The following PEMT variants were observed in gnomAD, a reference collection of about 807,000 sequenced individuals.
PEMT encodes the protein phosphatidylethanolamine N-methyltransferase.
In PEMT, 23 loss-of-function variants were observed where a neutral mutation model predicts 27.4. The ratio of observed to expected loss-of-function variants is 0.84; its 90% CI spans 0.60 to 1.19. The LOEUF (loss-of-function observed/expected upper bound fraction) is 1.19. PEMT is among the 50% of genes most tolerant of loss of function. PEMT has a pLI of 0.00. For missense variants in PEMT, 307 were observed against 310.1 expected, an observed-to-expected ratio of 0.99 and a Z score of 0.07; for synonymous variants, 137 against 139.1, an observed-to-expected ratio of 0.98 and a Z score of 0.11.
At chr17:17,506,964 G>A in intron 5 of PEMT, 2 of 589,042 alleles carry the variant, frequency 3.4e-6, no homozygotes, top group Admixed American at 2.9e-5. Flanking sequence ...CAGAGGACGG[G>A]AGGCCCCAGG....
Position 17,512,394 on chromosome 17 carries a change from G to C in PEMT, c.466+115C>G. 9.6e-7 allele frequency: 1 copy of C among 1,042,034 alleles called. No individual in the cohort carries two copies. The highest frequency in any genetic ancestry group is 1.3e-6 in the Non-Finnish European group (1 of 767,908). 64.5% of individuals were successfully genotyped at this position (1,042,034 alleles called of 1,614,324 possible). ...GGAGCAAAGACGCCCCGATGGAGGG[G>C]GCCCCTAGCACTCCCACCGATGTCA... On this transcript the variant is annotated intron_variant, in intron 4 of 6. Coordinates refer to ENST00000255389, the MANE Select transcript of PEMT (RefSeq NM_148172.3). This position sits in a 1 kb window ranked among gnomAD's most constrained non-coding sequence, Gnocchi z 6.3.
Position 17,561,058 on chromosome 17 carries a change from C to A in PEMT, c.204+15862G>T, listed in dbSNP as rs1346720336. Reference sequence around the variant, plus strand: ...CCCCTCTCTCCTCCCTTCCTCCAGACCCCACACTCAAATCCTATTTGCCTC... The same window carrying A: ...CCCCTCTCTCCTCCCTTCCTCCAGAACCCACACTCAAATCCTATTTGCCTC... On this transcript the variant is annotated intron_variant, in intron 2 of 6. Transcript: ENST00000255389. This position sits in a 1 kb window ranked among gnomAD's most constrained non-coding sequence, Gnocchi z 4.5. Among the ~76,000 whole-genome samples, 10 of 152,074 alleles carry A rather than the reference C, an allele frequency of 6.6e-5. No homozygotes were observed. The highest frequency in any genetic ancestry group is 2.4e-4 in the African/African-American group (10 of 41,402).
At position 17,558,998 on chromosome 17, in the gene PEMT, CT is replaced by C. The variant is rs529716322; in HGVS notation, c.204+17921del. Among the ~76,000 whole-genome samples the C allele has an allele frequency of 4.9e-3, 752 of 152,348 alleles. 5 individuals carry two copies. The highest frequency in any genetic ancestry group is 8.0e-3 in the Non-Finnish European group (546 of 68,038). On this transcript the variant is annotated intron_variant, in intron 2 of 6. Transcript: ENST00000255389. Reference sequence around the variant, plus strand: ...GCATCCCATCCCAACCCTGCTCTCTCTGCATCCCTGCCATGGTTGCAGAAAC... The same window carrying C: ...GCATCCCATCCCAACCCTGCTCTCTCGCATCCCTGCCATGGTTGCAGAAAC...
intron 2 of PEMT, among the ~76,000 whole-genome samples, chr17:17,566,436 C>T (rs1408517196): frequency 6.6e-6 from 1 of 152,204 alleles, no homozygotes; most frequent in African/African-American, 2.4e-5. Context: ...TCCACAGGTG[C>T]CTCAGACCCC....
chr17:17,542,046 T>G (rs1028863650), intron 2 of PEMT, among the ~76,000 whole-genome samples: 1 of 152,192 alleles, frequency 6.6e-6, no homozygotes, highest in Non-Finnish European at 1.5e-5. Context: ...AGCAGCATGA[T>G]CTCTGCTCAC....
chr17:17,526,230 T>C (rs1907652022), intron 2 of PEMT, among the ~76,000 whole-genome samples: 2 of 151,780 alleles, frequency 1.3e-5, no homozygotes, highest in African/African-American at 4.8e-5. Context: ...TTTTTGCAAA[T>C]CTCACCCACA....
intron 1 of PEMT, among the ~76,000 whole-genome samples, chr17:17,581,279 T>C (rs1308646176): frequency 6.6e-6 from 1 of 152,094 alleles, no homozygotes; most frequent in African/African-American, 2.4e-5. Context: ...CTCTAGGGGA[T>C]CTAAGAAAAC....
intron 2 of PEMT, among the ~76,000 whole-genome samples, chr17:17,572,434 C>T (rs572322151): frequency 8.5e-5 from 13 of 152,348 alleles, no homozygotes; most frequent in South Asian, 6.2e-4. Context: ...CTGGCTCCAG[C>T]GGCAGCTGTC....
intron 2 of PEMT, chr17:17,570,890 C>G (rs4646349): frequency 0.58 from 568,492 of 984,382 alleles, 165,494 homozygotes; most frequent in African/African-American, 0.59. Context: ...GGGAGTCCAT[C>G]CTGGTCCTTG....
chr17:17,551,314 C>T (rs4646384), intron 2 of PEMT, among the ~76,000 whole-genome samples: 3,550 of 152,282 alleles, frequency 0.023, 122 homozygotes, highest in East Asian at 0.1. Context: ...ATTTTCATCA[C>T]GCATCAGTGT....
At chr17:17,541,527 C>T (rs1045345844) in intron 2 of PEMT, among the ~76,000 whole-genome samples, 1 of 152,212 alleles carries the variant, frequency 6.6e-6, no homozygotes, top group Non-Finnish European at 1.5e-5. Context: ...GGGCCTCATC[C>T]CAAGGCGCCA....
rs147583489 is a variant in PEMT, at chr17:17,570,921, G to C, written c.204+5999C>G. Reference sequence around the variant, plus strand: ...CCTTGGACCACTGCCCTGGCATCTGGAGTGATAGGGAAAGAACAGAACATT... The same window carrying C: ...CCTTGGACCACTGCCCTGGCATCTGCAGTGATAGGGAAAGAACAGAACATT... On this transcript the variant is annotated intron_variant, in intron 2 of 6. Transcript: ENST00000255389. The C allele has an allele frequency of 1.1e-4, 109 of 984,954 alleles. No individual in the cohort carries two copies. In the African/African-American group the frequency reaches 1.7e-3, roughly 16 times the overall value. The allele number at this position is 984,954 out of a possible 1,614,324, so 61.0% of individuals were successfully genotyped here.
intron 1 of PEMT, among the ~76,000 whole-genome samples, chr17:17,580,541 G>C (rs560420539): frequency 6.6e-5 from 10 of 152,116 alleles, no homozygotes; most frequent in Non-Finnish European, 1.3e-4. Context: ...ACAGCCTGGT[G>C]GGGGGAGGGT....
intron 2 of PEMT, among the ~76,000 whole-genome samples, chr17:17,525,619 T>C (rs1287573723): frequency 6.6e-6 from 1 of 152,208 alleles, no homozygotes; most frequent in East Asian, 1.9e-4. Flanking sequence ...GGGGATTCAT[T>C]TGCCCAACAC....
intron 1 of PEMT, among the ~76,000 whole-genome samples, chr17:17,580,694 C>T (rs969014305): frequency 6.6e-6 from 1 of 152,150 alleles, no homozygotes; most frequent in African/African-American, 2.4e-5. Context: ...CCTCCCACTC[C>T]CCATTCCCCA....
At position 17,591,513 on chromosome 17, in the gene PEMT, G is replaced by C. The variant is rs1057081290; in HGVS notation, c.96+18C>G. ...GATCCCTCTCCCAGTTTCCGCGGCG[G>C]TCCGGTGCGGTCAGTACCTGTCTAA... On this transcript the variant is annotated intron_variant, in intron 1 of 6. Coordinates refer to ENST00000255389, the MANE Select transcript of PEMT (RefSeq NM_148172.3). 6.3e-7 allele frequency: 1 copy of C among 1,589,114 alleles called. No homozygotes were observed. The highest frequency in any genetic ancestry group is 8.6e-7 in the Non-Finnish European group (1 of 1,160,250).
chr17:17,554,857 C>A (rs1909936425), intron 2 of PEMT, among the ~76,000 whole-genome samples: 1 of 152,092 alleles, frequency 6.6e-6, no homozygotes, highest in African/African-American at 2.4e-5. Context: ...TTCAGGTGAT[C>A]CACCCACCTC....
chr17:17,536,792 C>T (rs188105978), intron 2 of PEMT, among the ~76,000 whole-genome samples: 34 of 152,346 alleles, frequency 2.2e-4, no homozygotes, highest in Admixed American at 1.8e-3. Context: ...CCATTGGCCC[C>T]GTGGGACCTG....
At chr17:17,590,494 G>C (rs374240398) in intron 1 of PEMT, among the ~76,000 whole-genome samples, 20 of 151,712 alleles carry the variant, frequency 1.3e-4, no homozygotes, top group East Asian at 1.2e-3. Flanking sequence ...ACACTAACTG[G>C]TATTAGCTCC....
Sources: allele counts gnomAD v4.1 joint callset (sites outside exome capture counted in the v4.1 genomes callset), GRCh38; gene constraint gnomAD v4.1.1; non-coding constraint Gnocchi (gnomAD v3.1); transcripts MANE v1.5; gene names NCBI Gene and HGNC (gene_info 2026-07-23, HGNC 2026-07-21).